ZNF821: variants seen among roughly 807,000 people sequenced by gnomAD.
The protein encoded by ZNF821 is zinc finger protein 821.
A neutral mutation model predicts 44.3 loss-of-function variants in ZNF821; 16 were observed. The observed-to-expected ratio is 0.36, with a 90% CI of 0.24 to 0.55. The LOEUF (loss-of-function observed/expected upper bound fraction) is 0.55. Ranked by LOEUF, ZNF821 falls within the 20% of genes least tolerant of loss-of-function variation. The pLI is 0.86. For synonymous variants in ZNF821, 204 were observed against 197.6 expected, an observed-to-expected ratio of 1.03 and a Z score of -0.27; for missense variants, 436 against 547.6, an observed-to-expected ratio of 0.80 and a Z score of 2.03.
rs1319306530 is a variant in ZNF821, at chr16:71,874,282, C to CT, written c.40+5624dup. ...CGACCTGGGAATTCTTAATATATCC[C>CT]TTTAGGTGGCCTATTAGTTTCATGC... On this transcript the variant is annotated intron_variant, in intron 3 of 7. Coordinates refer to ENST00000425432, the MANE Select transcript of ZNF821 (RefSeq NM_001201552.2). 5.9e-5 allele frequency among the ~76,000 whole-genome samples: 9 copies of CT among 152,086 alleles called. No individual in the cohort carries two copies. The East Asian group carries it at 1.8e-3, about 30-fold the overall frequency.
At chr16:71,884,767 T>G (rs1299280148), upstream of ZNF821, 2 of 151,848 alleles carry the variant, frequency 1.3e-5, no homozygotes, top group Non-Finnish European at 2.9e-5. Context: ...ACTGATAAAA[T>G]AACATTGGCT....
chr16:71,886,429 T>C (rs1263893318), upstream of ZNF821, among the ~76,000 whole-genome samples: 3 of 152,248 alleles, frequency 2.0e-5, no homozygotes, highest in African/African-American at 7.2e-5. Context: ...GTTCTACATC[T>C]AGAAGACCTT....
rs1489668936 is a variant in ZNF821 at position 71,864,197 on chromosome 16, A to T, written c.358T>A (p.Cys120Ser). ...CCGCAGTCTAGCTGGCAGAGGGGAC[A>T]CTGGCAGAGTTCAAGCAAGGGGTCA... ...NSDPLLELCQ[C>S]PLCQLDCGSR... is the part of the protein sequence containing the mutation. The change falls in exon 6 of 8, where the codon TGT becomes AGT. Residue 120 changes from cysteine to serine, a missense_variant. Transcript: ENST00000425432. The T allele has an allele frequency of 6.2e-7, 1 of 1,614,240 alleles. No homozygotes were observed. Among genetic ancestry groups the T allele is most frequent in the East Asian group, 2.2e-5 (1 of 44,876 alleles).
At chr16:71,888,914 T>C (rs1028917398), upstream of ZNF821, among the ~76,000 whole-genome samples, 1 of 152,230 alleles carries the variant, frequency 6.6e-6, no homozygotes, top group Non-Finnish European at 1.5e-5. Flanking sequence ...TATACACAAA[T>C]TGAAAGTAAA....
At chr16:71,864,832 G>A in intron 5 of ZNF821, 71 bp downstream of exon 5, 1 of 1,588,252 alleles carries the variant, frequency 6.3e-7, no homozygotes, top group Non-Finnish European at 8.6e-7. Flanking sequence ...TGCCACAGGG[G>A]TGAGCAGCAT....
At chr16:71,891,824 A>G (rs1420092820) in intron 1 of ZNF821, among the ~76,000 whole-genome samples, 1 of 151,962 alleles carries the variant, frequency 6.6e-6, no homozygotes, top group African/African-American at 2.4e-5. Context: ...CCTGACCAAC[A>G]CGGTGAAACC....
intron 3 of ZNF821, among the ~76,000 whole-genome samples, chr16:71,877,149 T>C (rs545174531): frequency 6.6e-6 from 1 of 152,368 alleles, no homozygotes; most frequent in Admixed American, 6.5e-5. Context: ...CATTAATGTA[T>C]AAAATGTCAA....
upstream of ZNF821, among the ~76,000 whole-genome samples, chr16:71,889,713 AAAAC>A (rs1431739490): frequency 6.6e-6 from 1 of 152,040 alleles, no homozygotes; most frequent in Admixed American, 6.6e-5. Flanking sequence ...CAAAAAAACA[AAAAC>A]AAAAGAAAAC....
At chr16:71,869,391 T>C (rs2034925205) in intron 3 of ZNF821, among the ~76,000 whole-genome samples, 1 of 152,180 alleles carries the variant, frequency 6.6e-6, no homozygotes, top group Admixed American at 6.5e-5. Flanking sequence ...GTAGGCTTCA[T>C]GTGATCCCCT....
intron 1 of ZNF821, among the ~76,000 whole-genome samples, chr16:71,892,223 C>T (rs1278620911): frequency 1.5e-5 from 2 of 133,732 alleles, no homozygotes; most frequent in Admixed American, 1.7e-4. Flanking sequence ...ATCATGTCAC[C>T]TTTAGCGCTT....
chr16:71,877,514 C>T (rs1012195000), intron 3 of ZNF821, among the ~76,000 whole-genome samples: 1 of 152,146 alleles, frequency 6.6e-6, no homozygotes, highest in Admixed American at 6.5e-5. Context: ...CCTGCCTTGG[C>T]CTCCCAAAGT....
chr16:71,872,508 G>A (rs2035320964), intron 3 of ZNF821, among the ~76,000 whole-genome samples: 1 of 152,146 alleles, frequency 6.6e-6, no homozygotes, highest in South Asian at 2.1e-4. Context: ...AGCTACTCGG[G>A]AGGCTGAGGC....
chr16:71,891,748 G>A (rs895285361), intron 1 of ZNF821, among the ~76,000 whole-genome samples: 6 of 152,098 alleles, frequency 3.9e-5, no homozygotes, highest in Admixed American at 3.3e-4. Context: ...GGTGTCCCAC[G>A]CCTTTAATCC....
intron 1 of ZNF821, chr16:71,890,764 C>CA (rs2036880798): frequency 1.5e-5 from 1 of 65,450 alleles, no homozygotes; most frequent in Admixed American, 2.1e-4. Flanking sequence ...CCCCTTCCTG[C>CA]TTTTTTTTTT....
Position 71,859,952 on chromosome 16 carries a change from C to T in ZNF821, c.*66G>A, listed in dbSNP as rs960622142. On this transcript the variant is annotated 3_prime_UTR_variant, in exon 8 of 8. Coordinates refer to ENST00000425432, the MANE Select transcript of ZNF821 (RefSeq NM_001201552.2). ...CTCGTGGGTGGCAGCAGCACTGGTC[C>T]TCGTGGCTGTGGGTGTGGGTGGGTG... 12 of 1,455,456 alleles carry T rather than the reference C, an allele frequency of 8.2e-6. No homozygotes were observed. Among genetic ancestry groups the T allele is most frequent in the Non-Finnish European group, 9.0e-6 (10 of 1,106,716 alleles). The allele number at this position is 1,455,456 out of a possible 1,614,324, so 90.2% of individuals were successfully genotyped here.
At chr16:71,877,984 T>TA (rs2036013181) in intron 3 of ZNF821, among the ~76,000 whole-genome samples, 1 of 147,320 alleles carries the variant, frequency 6.8e-6, no homozygotes, top group Non-Finnish European at 1.5e-5. Context: ...TATATATATT[T>TA]TATATATATA....
At chr16:71,892,373 TCTC>T (rs2036891659) in intron 1 of ZNF821, among the ~76,000 whole-genome samples, 1 of 147,198 alleles carries the variant, frequency 6.8e-6, no homozygotes, top group African/African-American at 2.5e-5. Flanking sequence ...TTCACACCAT[TCTC>T]CTGCCTCAGC....
rs1210675982 is a variant in ZNF821 at position 71,883,532 on chromosome 16, C to T, written c.-140-259G>A. On this transcript the variant is annotated intron_variant, in intron 1 of 7. Transcript: ENST00000425432. ...TAGAAGCTTTTCTGCGAGACCCAGA[C>T]GCGGGGACTGATACCCCCCGGTCTG... The T allele has an allele frequency of 9.0e-6, 2 of 223,252 alleles. 1 individual carries two copies. The highest frequency in any genetic ancestry group is 1.8e-5 in the Non-Finnish European group (2 of 109,578). 13.8% of individuals were successfully genotyped at this position (223,252 alleles called of 1,614,324 possible).
rs201589276 is a variant in ZNF821, at chr16:71,879,784, G to A, written c.40+123C>T. The A allele has an allele frequency of 2.8e-4, 255 of 919,204 alleles. No homozygotes were observed. The East Asian group carries it at 6.7e-3, about 24-fold the overall frequency. The allele number at this position is 919,204 out of a possible 1,614,324, so 56.9% of individuals were successfully genotyped here. On this transcript the variant is annotated intron_variant, in intron 3 of 7. Transcript: ENST00000425432. Reference sequence around the variant, plus strand: ...TTTTTTCTCTTCTGCTCAGCAAACTGTGTTTTACATTTAAACTTTTCTTCT... The same window carrying A: ...TTTTTTCTCTTCTGCTCAGCAAACTATGTTTTACATTTAAACTTTTCTTCT...
Sources: gnomAD v4.1 joint callset for allele counts (sites outside exome capture counted in the v4.1 genomes callset) on GRCh38, gnomAD v4.1.1 for gene constraint, MANE v1.5 for transcripts, NCBI Gene and HGNC (gene_info 2026-07-23, HGNC 2026-07-21) for gene names.